LYPD6B: variants seen among roughly 807,000 people sequenced by gnomAD.
LYPD6B encodes LY6/PLAUR domain containing 6B.
In LYPD6B, 17 loss-of-function variants were observed where a neutral mutation model predicts 22.8. That is an observed-to-expected ratio of 0.75 (90% CI 0.51 to 1.12). LYPD6B has a LOEUF of 1.12. Among genes scored for constraint, LYPD6B ranks in the 50% most tolerant of loss-of-function variants. LYPD6B has a pLI of 0.00. For synonymous variants in LYPD6B, 106 were observed against 91.6 expected (o/e 1.16, Z -0.90); for missense variants, 221 against 258.3 (o/e 0.86, Z 0.99).
intron 1 of LYPD6B, among the ~76,000 whole-genome samples, chr2:149,120,383 A>ATATATATATTT (rs1327065975): frequency 2.1e-5 from 1 of 48,618 alleles, no homozygotes; most frequent in African/African-American, 1.1e-4. Context: ...ATATATATAT[A>ATATATATATTT]TTTTTTTTTT....
intron 1 of LYPD6B, among the ~76,000 whole-genome samples, chr2:149,049,490 C>T (rs546865508): frequency 3.3e-5 from 5 of 152,292 alleles, no homozygotes; most frequent in East Asian, 1.9e-4. Context: ...GAAAAACACT[C>T]GTTCAGTCCA....
intron 1 of LYPD6B, among the ~76,000 whole-genome samples, chr2:149,129,705 T>G (rs967677136): frequency 9.2e-5 from 14 of 152,208 alleles, no homozygotes; most frequent in African/African-American, 3.4e-4. Flanking sequence ...TCCCAGCTGC[T>G]GGTGCTAAGA....
At chr2:149,122,991 G>GA (rs759116046) in intron 1 of LYPD6B, among the ~76,000 whole-genome samples, 3 of 152,260 alleles carry the variant, frequency 2.0e-5, no homozygotes, top group Non-Finnish European at 4.4e-5. Context: ...GTGTTCTTAA[G>GA]AAAAAATCAC....
chr2:149,046,894 G>T (rs1436495972), intron 1 of LYPD6B, among the ~76,000 whole-genome samples: 1 of 152,080 alleles, frequency 6.6e-6, no homozygotes, highest in African/African-American at 2.4e-5. Flanking sequence ...CTGTAAAAAA[G>T]CCAGAAAGTA....
At chr2:149,195,284 G>A (rs919569067) in intron 3 of LYPD6B, among the ~76,000 whole-genome samples, 1 of 152,168 alleles carries the variant, frequency 6.6e-6, no homozygotes, top group Admixed American at 6.5e-5. Context: ...CTTCAGGCTA[G>A]AGACCAACTC....
intron 2 of LYPD6B, among the ~76,000 whole-genome samples, chr2:149,150,799 A>G (rs1399883541): frequency 6.6e-6 from 1 of 151,284 alleles, no homozygotes; most frequent in Non-Finnish European, 1.5e-5. Flanking sequence ...TATTTCTAGA[A>G]CTCATTTGGC....
chr2:149,133,161 A>C (rs557276910), intron 2 of LYPD6B, among the ~76,000 whole-genome samples: 1 of 152,158 alleles, frequency 6.6e-6, no homozygotes, highest in Non-Finnish European at 1.5e-5. Flanking sequence ...ACTGCAAAGT[A>C]GTCTTGGGAA....
intron 3 of LYPD6B, 123 bp from the exon 4 acceptor site, chr2:149,205,130 G>C: frequency 1.0e-6 from 1 of 953,668 alleles, no homozygotes; most frequent in Non-Finnish European, 1.6e-6. Context: ...GCAGGTCCTG[G>C]CCCTACACAA....
At chr2:149,050,569 C>T (rs1405256052) in intron 1 of LYPD6B, among the ~76,000 whole-genome samples, 1 of 152,198 alleles carries the variant, frequency 6.6e-6, no homozygotes, top group Admixed American at 6.5e-5. Context: ...ATGGGAACCA[C>T]AGTTTTTAGG....
intron 1 of LYPD6B, among the ~76,000 whole-genome samples, chr2:149,059,136 G>T (rs898196039): frequency 2.0e-5 from 3 of 152,236 alleles, no homozygotes; most frequent in East Asian, 1.9e-4. Context: ...AGCTGCACAG[G>T]ATTCTGAGTG....
At chr2:149,180,907 T>G (rs1691672990) in intron 3 of LYPD6B, among the ~76,000 whole-genome samples, 1 of 152,242 alleles carries the variant, frequency 6.6e-6, no homozygotes, top group Non-Finnish European at 1.5e-5. Flanking sequence ...CCTCACCTGC[T>G]CTGTGACCTT....
intron 1 of LYPD6B, among the ~76,000 whole-genome samples, chr2:149,071,505 A>G (rs1174023594): frequency 6.6e-6 from 1 of 152,222 alleles, no homozygotes; most frequent in Non-Finnish European, 1.5e-5. Flanking sequence ...CTCAAAATCT[A>G]GGATAAGATC....
At chr2:149,205,086 C>T (rs984631654) in intron 3 of LYPD6B, 167 bp from the exon 4 acceptor site, 1 of 661,830 alleles carries the variant, frequency 1.5e-6, no homozygotes, top group Non-Finnish European at 2.5e-6. Context: ...TCATTACTTA[C>T]CTTTCATTTG....
At chr2:149,069,122 A>G (rs1321134409) in intron 1 of LYPD6B, among the ~76,000 whole-genome samples, 3 of 151,704 alleles carry the variant, frequency 2.0e-5, no homozygotes, top group South Asian at 4.2e-4. Flanking sequence ...CTTGCAATCA[A>G]GGAGAGCCAG....
At chr2:149,157,280 A>G (rs999126411) in intron 2 of LYPD6B, among the ~76,000 whole-genome samples, 3 of 151,884 alleles carry the variant, frequency 2.0e-5, no homozygotes, top group African/African-American at 7.3e-5. Flanking sequence ...AACAGTATTC[A>G]TTTTGTCTTT....
intron 1 of LYPD6B, among the ~76,000 whole-genome samples, chr2:149,064,052 CA>C (rs1423461214): frequency 6.6e-6 from 1 of 152,204 alleles, no homozygotes; most frequent in Non-Finnish European, 1.5e-5. Context: ...AATATTTTTC[CA>C]TGCCCATATA....
At chr2:149,205,048 G>C (rs1693419186) in intron 3 of LYPD6B, 2 of 528,536 alleles carry the variant, frequency 3.8e-6, no homozygotes, top group African/African-American at 1.9e-5. Flanking sequence ...CACCTGGCTA[G>C]TGCAGAGGCC....
intron 3 of LYPD6B, among the ~76,000 whole-genome samples, chr2:149,198,602 G>A (rs1575166647): frequency 6.6e-6 from 1 of 152,122 alleles, no homozygotes; most frequent in South Asian, 2.1e-4. Context: ...AAATTGATTT[G>A]CATAATGAAA....
chr2:149,041,445 C>T (rs757278493), intron 1 of LYPD6B, among the ~76,000 whole-genome samples: 11 of 152,192 alleles, frequency 7.2e-5, no homozygotes, highest in Admixed American at 3.3e-4. Flanking sequence ...AGTGGTCTAA[C>T]GCTTACCCTG....
Sources: gnomAD v4.1 joint callset for allele counts (sites outside exome capture counted in the v4.1 genomes callset) on GRCh38, gnomAD v4.1.1 for gene constraint, MANE v1.5 for transcripts, NCBI Gene and HGNC (gene_info 2026-07-23, HGNC 2026-07-21) for gene names.